The following THEMIS variants were observed in gnomAD, a reference collection of about 807,000 sequenced individuals.
THEMIS encodes the protein protein THEMIS.
THEMIS carries 37 observed loss-of-function variants against 52.6 expected under a neutral mutation model. That is an observed-to-expected ratio of 0.70 (90% CI 0.54 to 0.93). The LOEUF (loss-of-function observed/expected upper bound fraction) is 0.93. THEMIS is among the 40% of genes least tolerant of loss of function. The pLI, the probability that THEMIS is intolerant of heterozygous loss-of-function variation, is 0.00. For missense variants in THEMIS, 808 were observed against 763.1 expected (o/e 1.06, Z -0.69); for synonymous variants, 292 against 272.7 (o/e 1.07, Z -0.70).
At chr6:127,746,785 ATATATT>A (rs1247007708) in intron 4 of THEMIS, among the ~76,000 whole-genome samples, 2 of 46,582 alleles carry the variant, frequency 4.3e-5, no homozygotes, top group African/African-American at 2.3e-4. Flanking sequence ...ATATATAATT[ATATATT>A]ATTATATAAT....
intron 4 of THEMIS, among the ~76,000 whole-genome samples, chr6:127,748,257 C>T (rs892275527): frequency 1.3e-5 from 2 of 151,968 alleles, no homozygotes; most frequent in Admixed American, 6.6e-5. Flanking sequence ...TTTATTCTGG[C>T]TCATGGTTCA....
intron 2 of THEMIS, among the ~76,000 whole-genome samples, chr6:127,843,383 T>C (rs1287314066): frequency 6.6e-6 from 1 of 151,988 alleles, no homozygotes; most frequent in Admixed American, 6.6e-5. Flanking sequence ...ACGTAGCCAT[T>C]GTGCTGAGCA....
rs575163643 is a variant in THEMIS, at chr6:127,825,031, A to G, written c.709+4445T>C. Among the ~76,000 whole-genome samples the G allele has an allele frequency of 2.1e-4, 32 of 152,328 alleles. 1 individual carries two copies. In the South Asian group the frequency reaches 6.6e-3, roughly 32 times the overall value. On this transcript the variant is annotated intron_variant, in intron 3 of 5. Coordinates refer to ENST00000368248, the MANE Select transcript of THEMIS (RefSeq NM_001010923.3). ...CAGTGTAAAATATGTAAAATGATGT[A>G]AGAAATAACTCTTGGAAATTAAAAA...
At chr6:127,847,943 G>GTT (rs1779277700) in intron 2 of THEMIS, among the ~76,000 whole-genome samples, 1 of 148,546 alleles carries the variant, frequency 6.7e-6, no homozygotes, top group African/African-American at 2.5e-5. Context: ...TATACTTTAA[G>GTT]TTTTAGGGTA....
chr6:127,719,064 G>A (rs1774272174), intron 5 of THEMIS, among the ~76,000 whole-genome samples: 1 of 151,914 alleles, frequency 6.6e-6, no homozygotes, highest in Non-Finnish European at 1.5e-5. Context: ...AAGATAAAGT[G>A]TAATAGAAAT....
chr6:127,728,262 C>T (rs779088943), intron 4 of THEMIS, among the ~76,000 whole-genome samples: 4 of 152,300 alleles, frequency 2.6e-5, no homozygotes, highest in Non-Finnish European at 5.9e-5. Flanking sequence ...GCTTCTAACA[C>T]TGCTCTTCCC....
chr6:127,836,933 C>A (rs1778891563), intron 2 of THEMIS, among the ~76,000 whole-genome samples: 1 of 152,058 alleles, frequency 6.6e-6, no homozygotes, highest in Non-Finnish European at 1.5e-5. Context: ...GGGTCTCGTG[C>A]AAGTAACTCC....
intron 2 of THEMIS, among the ~76,000 whole-genome samples, chr6:127,850,333 T>G (rs544003672): frequency 1.3e-5 from 2 of 152,088 alleles, no homozygotes; most frequent in Admixed American, 1.3e-4. Context: ...GAAAACAGTA[T>G]GGAGAGTCCT....
intron 1 of THEMIS, among the ~76,000 whole-genome samples, chr6:127,898,609 A>C (rs539385534): frequency 3.8e-4 from 58 of 151,738 alleles, no homozygotes; most frequent in African/African-American, 5.3e-4. Flanking sequence ...CACACACACA[A>C]AAATAGAACT....
chr6:127,777,747 T>C (rs1209760759), intron 4 of THEMIS, among the ~76,000 whole-genome samples: 1 of 152,184 alleles, frequency 6.6e-6, no homozygotes. Context: ...TAATTATTTA[T>C]ATGATAAAAA....
chr6:127,819,124 A>G (rs1778242460), intron 3 of THEMIS, among the ~76,000 whole-genome samples: 4 of 138,608 alleles, frequency 2.9e-5, no homozygotes, highest in African/African-American at 1.1e-4. Flanking sequence ...TGTCTAAAAA[A>G]AAAAAAAAAA....
intron 2 of THEMIS, among the ~76,000 whole-genome samples, chr6:127,851,413 A>G (rs1779420582): frequency 2.0e-5 from 3 of 151,684 alleles, no homozygotes; most frequent in African/African-American, 7.3e-5. Context: ...AGGCCACGGA[A>G]TGGGAGAAAA....
At chr6:127,818,515 A>C (rs1157496697) in intron 3 of THEMIS, among the ~76,000 whole-genome samples, 4 of 152,112 alleles carry the variant, frequency 2.6e-5, no homozygotes, top group Non-Finnish European at 5.9e-5. Context: ...TAGATAGATA[A>C]ACGTAATATA....
At chr6:127,753,385 A>G (rs1775713984) in intron 4 of THEMIS, among the ~76,000 whole-genome samples, 1 of 152,060 alleles carries the variant, frequency 6.6e-6, no homozygotes. Context: ...TGAAATAGAA[A>G]TTAATAAAAC....
intron 1 of THEMIS, among the ~76,000 whole-genome samples, chr6:127,875,651 A>G (rs559026512): frequency 6.6e-6 from 1 of 152,372 alleles, no homozygotes; most frequent in South Asian, 2.1e-4. Context: ...CAAGTTTTAC[A>G]TACATTTACT....
chr6:127,750,504 G>C (rs1180936379), intron 4 of THEMIS, among the ~76,000 whole-genome samples: 1 of 151,688 alleles, frequency 6.6e-6, no homozygotes, highest in Non-Finnish European at 1.5e-5. Context: ...TAAATTTGAA[G>C]CCAGGAAGTC....
intron 4 of THEMIS, among the ~76,000 whole-genome samples, chr6:127,800,512 C>T (rs1777495995): frequency 2.0e-5 from 3 of 152,186 alleles, no homozygotes; most frequent in Admixed American, 2.0e-4. Context: ...TGTAACCTTG[C>T]TTCTGTAAAA....
At chr6:127,825,936 C>T (rs1583320697) in intron 3 of THEMIS, among the ~76,000 whole-genome samples, 1 of 152,048 alleles carries the variant, frequency 6.6e-6, no homozygotes, top group African/African-American at 2.4e-5. Context: ...GAATTATACT[C>T]GTTATACACC....
chr6:127,812,708 C>T (rs907396740), intron 4 of THEMIS, among the ~76,000 whole-genome samples, 175 bp downstream of exon 4: 2 of 152,164 alleles, frequency 1.3e-5, no homozygotes, highest in African/African-American at 2.4e-5. Flanking sequence ...AAATATAAAA[C>T]GCTGCAACAG....
Sources: allele counts gnomAD v4.1 joint callset (sites outside exome capture counted in the v4.1 genomes callset), GRCh38; gene constraint gnomAD v4.1.1; transcripts MANE v1.5; gene names NCBI Gene and HGNC (gene_info 2026-07-23, HGNC 2026-07-21).